The following KCTD8 variants were observed in gnomAD, a reference collection of about 807,000 sequenced individuals.
KCTD8 encodes the protein potassium channel tetramerization domain containing 8, also known as BTB/POZ domain-containing protein KCTD8.
A neutral mutation model predicts 31.5 loss-of-function variants in KCTD8; 27 were observed. That is an observed-to-expected ratio of 0.86 (90% confidence interval 0.63 to 1.18). The LOEUF is 1.18. Among genes scored for constraint, KCTD8 ranks in the 50% most tolerant of loss-of-function variants. The pLI is 0.00. For synonymous variants in KCTD8, 290 were observed against 280.0 expected, an observed-to-expected ratio of 1.04 and a Z score of -0.36; for missense variants, 658 against 647.7, an observed-to-expected ratio of 1.02 and a Z score of -0.17.
At chr4:44,256,873 TTTGTA>T (rs1324071798) in intron 1 of KCTD8, among the ~76,000 whole-genome samples, 1 of 151,972 alleles carries the variant, frequency 6.6e-6, no homozygotes, top group Non-Finnish European at 1.5e-5. Context: ...AGATATTAAA[TTTGTA>T]TTGTTGAAGC....
chr4:44,346,780 A>G (rs1227456574), intron 1 of KCTD8, among the ~76,000 whole-genome samples: 11 of 152,160 alleles, frequency 7.2e-5, no homozygotes, highest in Admixed American at 7.2e-4. Context: ...CTTCCTAATT[A>G]CGTATATATG....
chr4:44,268,624 T>C (rs1388609775), intron 1 of KCTD8, among the ~76,000 whole-genome samples: 1 of 152,118 alleles, frequency 6.6e-6, no homozygotes, highest in African/African-American at 2.4e-5. Context: ...GCAGACGACA[T>C]GATTGTATAT....
At chr4:44,204,089 CA>C (rs1347538703) in intron 1 of KCTD8, among the ~76,000 whole-genome samples, 3 of 151,694 alleles carry the variant, frequency 2.0e-5, no homozygotes, top group Admixed American at 6.6e-5. Flanking sequence ...GATAAAACAA[CA>C]AAAATAATAT....
At chr4:44,274,030 A>C (rs1318404697) in intron 1 of KCTD8, among the ~76,000 whole-genome samples, 1 of 151,994 alleles carries the variant, frequency 6.6e-6, no homozygotes, top group Non-Finnish European at 1.5e-5. Flanking sequence ...TTACTTTTCT[A>C]AATTTAAAAA....
chr4:44,252,297 A>G (rs982155040), intron 1 of KCTD8, among the ~76,000 whole-genome samples: 1 of 151,798 alleles, frequency 6.6e-6, no homozygotes, highest in African/African-American at 2.4e-5. Flanking sequence ...ATTTTTTGCA[A>G]TCACAAATTG....
intron 1 of KCTD8, among the ~76,000 whole-genome samples, chr4:44,421,003 A>C (rs1288424554): frequency 1.3e-5 from 2 of 152,080 alleles, no homozygotes; most frequent in Non-Finnish European, 2.9e-5. Context: ...TGACTTTCTA[A>C]TAGAAAGGTA....
At position 44,271,207 on chromosome 4, in the gene KCTD8, A is replaced by G. The variant is rs541446287; in HGVS notation, c.962-95957T>C. 6.6e-5 allele frequency among the ~76,000 whole-genome samples: 10 copies of G among 152,268 alleles called. No homozygotes were observed. The South Asian group carries it at 2.1e-3, about 32-fold the overall frequency. On this transcript the variant is annotated intron_variant, in intron 1 of 1. Coordinates refer to ENST00000360029, the MANE Select transcript of KCTD8 (RefSeq NM_198353.3). ...TTACAGTGTTATTTCCTATCAGAAGAGATAATGCACTTTAAAATCTTTTCA... is the reference window on the plus strand; with the variant it reads ...TTACAGTGTTATTTCCTATCAGAAGGGATAATGCACTTTAAAATCTTTTCA...
At chr4:44,298,725 T>C (rs1169562611) in intron 1 of KCTD8, among the ~76,000 whole-genome samples, 1 of 152,196 alleles carries the variant, frequency 6.6e-6, no homozygotes, top group Non-Finnish European at 1.5e-5. Context: ...CCACTGGCTC[T>C]GTACTAAAGT....
intron 1 of KCTD8, among the ~76,000 whole-genome samples, chr4:44,343,953 G>A (rs1463561236): frequency 1.3e-5 from 2 of 152,026 alleles, no homozygotes; most frequent in Admixed American, 6.6e-5. Context: ...CTGCCTCCCA[G>A]GTTCAAGTGA....
intron 1 of KCTD8, among the ~76,000 whole-genome samples, chr4:44,240,707 T>C (rs902990567): frequency 1.3e-5 from 2 of 152,150 alleles, no homozygotes; most frequent in African/African-American, 4.8e-5. Context: ...AGGAATCAAG[T>C]ATCTTCAGGA....
chr4:44,326,347 A>AT (rs750261646), intron 1 of KCTD8, among the ~76,000 whole-genome samples: 25 of 151,730 alleles, frequency 1.6e-4, no homozygotes, highest in Admixed American at 8.5e-4. Flanking sequence ...TTTTGCATTA[A>AT]TTTTTACTTA....
At chr4:44,367,061 C>T (rs1719656565) in intron 1 of KCTD8, among the ~76,000 whole-genome samples, 1 of 152,170 alleles carries the variant, frequency 6.6e-6, no homozygotes, top group Non-Finnish European at 1.5e-5. Flanking sequence ...CACTAGTCTT[C>T]CTTCAGTCCC....
chr4:44,230,167 G>A (rs568308053), intron 1 of KCTD8, among the ~76,000 whole-genome samples: 3 of 152,264 alleles, frequency 2.0e-5, no homozygotes, highest in Admixed American at 6.5e-5. Flanking sequence ...CGGATTCACC[G>A]CTGGTAACTT....
chr4:44,417,407 A>G (rs1486707813), intron 1 of KCTD8, among the ~76,000 whole-genome samples: 3 of 152,146 alleles, frequency 2.0e-5, no homozygotes, highest in Non-Finnish European at 4.4e-5. Context: ...TTGTGAAAAC[A>G]GAATCTTTGA....
At chr4:44,253,141 T>A (rs1010899058) in intron 1 of KCTD8, among the ~76,000 whole-genome samples, 3 of 151,850 alleles carry the variant, frequency 2.0e-5, no homozygotes, top group African/African-American at 7.2e-5. Context: ...CCTTTTTTCT[T>A]GTTCAACTTC....
At chr4:44,344,341 C>T (rs1718985330) in intron 1 of KCTD8, among the ~76,000 whole-genome samples, 1 of 152,028 alleles carries the variant, frequency 6.6e-6, no homozygotes, top group African/African-American at 2.4e-5. Context: ...TACACCAACA[C>T]ACTGGGCTAA....
At chr4:44,417,177 G>T (rs972084961) in intron 1 of KCTD8, among the ~76,000 whole-genome samples, 3 of 152,196 alleles carry the variant, frequency 2.0e-5, no homozygotes, top group African/African-American at 7.2e-5. Context: ...CTTATTGGGA[G>T]CTTTAAGTAC....
At chr4:44,265,229 G>T (rs1223980703) in intron 1 of KCTD8, among the ~76,000 whole-genome samples, 4 of 152,090 alleles carry the variant, frequency 2.6e-5, no homozygotes, top group Non-Finnish European at 5.9e-5. Flanking sequence ...AGCATTCACG[G>T]TTCACGAAAA....
At chr4:44,264,165 A>T (rs1365169506) in intron 1 of KCTD8, among the ~76,000 whole-genome samples, 1 of 151,442 alleles carries the variant, frequency 6.6e-6, no homozygotes, top group Non-Finnish European at 1.5e-5. Context: ...CTCAACAAAT[A>T]ATTGTTATTA....
Sources: allele counts gnomAD v4.1 joint callset (sites outside exome capture counted in the v4.1 genomes callset), GRCh38; gene constraint gnomAD v4.1.1; transcripts MANE v1.5; gene names NCBI Gene and HGNC (gene_info 2026-07-23, HGNC 2026-07-21).